The following GCFC2 variants were observed in gnomAD, a reference collection of about 807,000 sequenced individuals.
The protein encoded by GCFC2 is GC-rich sequence DNA-binding factor 2, also known as intron Large complex component GCFC2.
GCFC2 carries 102 observed loss-of-function variants against 99.4 expected under a neutral mutation model. The observed-to-expected ratio is 1.03, with a 90% CI of 0.87 to 1.21. GCFC2 has a LOEUF of 1.21. Among genes scored for constraint, GCFC2 ranks in the 50% most tolerant of loss-of-function variants. The pLI, the probability that GCFC2 is intolerant of heterozygous loss-of-function variation, is 0.00. For missense variants in GCFC2, 973 were observed against 920.9 expected, an observed-to-expected ratio of 1.06 and a Z score of -0.73; for synonymous variants, 338 against 316.8, an observed-to-expected ratio of 1.07 and a Z score of -0.71.
Position 75,687,991 on chromosome 2 carries a change from T to C in GCFC2, c.1540-14A>G, listed in dbSNP as rs1679896426. ...TGTGGATTCCAACTTACAAAGAAAA[T>C]TACAAAAGTTATAAAGAAATCTTTC... is the stretch of plus-strand genomic sequence containing the variant. On this transcript the variant is annotated splice_polypyrimidine_tract_variant and intron_variant, in intron 10 of 16. Coordinates refer to ENST00000321027, the MANE Select transcript of GCFC2 (RefSeq NM_003203.5). 2.7e-6 allele frequency: 4 copies of C among 1,494,928 alleles called. No homozygotes were observed. The East Asian group carries it at 6.8e-5, about 26-fold the overall frequency. 92.6% of individuals were successfully genotyped at this position (1,494,928 alleles called of 1,614,324 possible).
intron 11 of GCFC2, among the ~76,000 whole-genome samples, chr2:75,683,267 ACAAGAGACTGGGGGC>A (rs1358708857): frequency 6.6e-6 from 1 of 151,936 alleles, no homozygotes; most frequent in Admixed American, 6.5e-5. Context: ...CCTACAAGCT[ACAAGAGACTGGGGGC>A]CAATATTCAA....
At chr2:75,701,023 C>T (rs112015005) in intron 4 of GCFC2, among the ~76,000 whole-genome samples, 167 bp downstream of exon 4, 1 of 152,190 alleles carries the variant, frequency 6.6e-6, no homozygotes, top group African/African-American at 2.4e-5. Context: ...CTCCCCACAA[C>T]CCCCCAGGGC....
At chr2:75,688,230 AGT>A (rs1573066456) in intron 10 of GCFC2, among the ~76,000 whole-genome samples, 1 of 152,204 alleles carries the variant, frequency 6.6e-6, no homozygotes, top group Non-Finnish European at 1.5e-5. Flanking sequence ...ACAACTACCT[AGT>A]GTGTGCCGGA....
In GCFC2 at chr2:75,691,958, G is replaced by T. The variant is rs755855617; in HGVS notation, c.1144+19C>A. 5 of 1,362,970 alleles carry T rather than the reference G, an allele frequency of 3.7e-6. No individual in the cohort carries two copies. The highest frequency in any genetic ancestry group is 2.7e-5 in the East Asian group (1 of 37,562). 84.4% of individuals were successfully genotyped at this position (1,362,970 alleles called of 1,614,324 possible). Reference sequence around the variant, plus strand: ...AGCTTAATGAATAATAAATTGTATGGAACACGAAAAACACTAACGTGATAA... The same window carrying T: ...AGCTTAATGAATAATAAATTGTATGTAACACGAAAAACACTAACGTGATAA... On this transcript the variant is annotated intron_variant, in intron 7 of 16. Coordinates refer to ENST00000321027, the MANE Select transcript of GCFC2 (RefSeq NM_003203.5).
intron 10 of GCFC2, 141 bp downstream of exon 10, chr2:75,688,885 C>T: frequency 1.8e-6 from 1 of 563,980 alleles, no homozygotes; most frequent in Non-Finnish European, 3.2e-6. Flanking sequence ...GCCGAAAGCA[C>T]ACATTTTCTG....
intron 7 of GCFC2, 68 bp downstream of exon 7, chr2:75,691,909 A>ATATTTT: frequency 4.8e-6 from 4 of 837,216 alleles, no homozygotes; most frequent in Non-Finnish European, 6.6e-6. Context: ...AAAAATAAAA[A>ATATTTT]TATTTTTATT....
At chr2:75,691,848 G>T in intron 7 of GCFC2, 129 bp downstream of exon 7, 1 of 385,160 alleles carries the variant, frequency 2.6e-6, no homozygotes, top group Non-Finnish European at 4.4e-6. Flanking sequence ...TGAGTTTTTG[G>T]AAGTTGGTGG....
At position 75,710,752 on chromosome 2, in the gene GCFC2, A is replaced by T; in HGVS notation, c.104T>A (p.Leu35His). ...TTCCTCCGCAGAACCCGGGACCGGA[A>T]GTTCCCTCGGCGCCCCAGGCTCAGC... ...SPAEPGAPRE[L>H]PVPGSAEEEP... The change falls in exon 1 of 17, where the codon CTT becomes CAT. Residue 35 changes from leucine (L) to histidine (H), a missense_variant. Coordinates refer to ENST00000321027, the MANE Select transcript of GCFC2 (RefSeq NM_003203.5). The T allele has an allele frequency of 6.4e-7, 1 of 1,566,542 alleles. No homozygotes were observed. Among genetic ancestry groups the T allele is most frequent in the Non-Finnish European group, 8.6e-7 (1 of 1,160,416 alleles).
chr2:75,670,092 T>A lies in GCFC2; in HGVS notation c.2103+46A>T, dbSNP rs770288041. 4 of 1,356,896 alleles carry A rather than the reference T, an allele frequency of 2.9e-6. No homozygotes were observed. The African/African-American group carries it at 5.8e-5, about 20-fold the overall frequency. 84.1% of individuals were successfully genotyped at this position (1,356,896 alleles called of 1,614,324 possible). On this transcript the variant is annotated intron_variant, in intron 15 of 16. Coordinates refer to ENST00000321027, the MANE Select transcript of GCFC2 (RefSeq NM_003203.5). ...AAATAATAGATTTTAATAGCTAAAT[T>A]TTTTAGAAATGATAAAATTAGAATC...
upstream of GCFC2, chr2:75,711,041 C>A (rs1330686622): frequency 1.5e-6 from 2 of 1,334,654 alleles, no homozygotes; most frequent in Admixed American, 4.1e-5. Flanking sequence ...TCTGGTAGGC[C>A]GAGTTCTGTT....
chr2:75,692,938 A>G (rs1045961607), intron 6 of GCFC2, among the ~76,000 whole-genome samples: 2 of 152,096 alleles, frequency 1.3e-5, no homozygotes, highest in African/African-American at 4.8e-5. Context: ...AATTCCTCCT[A>G]CTCCATTGAT....
chr2:75,673,527 T>C lies in GCFC2; in HGVS notation c.1813-7A>G, dbSNP rs373011966. ...CAATGGATTTAAGTAAATCCTATTA[T>C]TACAAATTTGAAAAGCATCAGTGAT... On this transcript the variant is annotated splice_region_variant and splice_polypyrimidine_tract_variant and intron_variant, in intron 12 of 16. Transcript: ENST00000321027. 8.6e-6 allele frequency: 10 copies of C among 1,160,724 alleles called. No individual in the cohort carries two copies. The African/African-American group carries it at 1.2e-4, about 14-fold the overall frequency. 71.9% of individuals were successfully genotyped at this position (1,160,724 alleles called of 1,614,324 possible).
intron 15 of GCFC2, chr2:75,669,896 T>C (rs572715151): frequency 5.4e-5 from 13 of 240,266 alleles, no homozygotes; most frequent in Non-Finnish European, 7.4e-5. Flanking sequence ...GGCTAATTTT[T>C]GTATCTTTAG....
chr2:75,707,560 A>G (rs1456085245), intron 1 of GCFC2, among the ~76,000 whole-genome samples: 1 of 125,602 alleles, frequency 8.0e-6, no homozygotes, highest in African/African-American at 2.9e-5. Context: ...AATTTAAAAC[A>G]CTAAAAAAAA....
In GCFC2 at chr2:75,710,610, G is replaced by A; in HGVS notation, c.246C>T (p.Pro82=). 1 of 1,514,530 alleles carries A rather than the reference G, an allele frequency of 6.6e-7. No homozygotes were observed. Among genetic ancestry groups the A allele is most frequent in the Non-Finnish European group, 8.8e-7 (1 of 1,138,304 alleles). 93.8% of individuals were successfully genotyped at this position (1,514,530 alleles called of 1,614,324 possible). A position where few individuals can be genotyped will look rare whatever the true frequency, so the allele number is the denominator to read the frequency against. The change falls in exon 1 of 17, where the codon CCC becomes CCT. Residue 82 remains proline, a synonymous_variant. Coordinates refer to ENST00000321027, the MANE Select transcript of GCFC2 (RefSeq NM_003203.5). ...ASSRRATKAA[P]RADEGSESRT... is the part of the protein sequence containing the mutation. The stretch of plus-strand genomic sequence containing the variant: ...GGACACCTGAGCCTTCGTCCGCGCG[G>A]GGAGCCGCTTTGGTGGCACGCCGGG...
rs747997620 is a variant in GCFC2 at position 75,701,197 on chromosome 2, A to T, written c.710T>A (p.Ile237Asn). Residue 237 changes from isoleucine to asparagine, a missense_variant, in exon 4 of 17, where the codon ATC (isoleucine) becomes AAC (asparagine). Ile to Asn is a moderately radical substitution (Grantham distance 149). Transcript: ENST00000321027. ...GGGATAAAAAATGATTACCTCTATGATTTTAACTGCTTTCCTCATTTGCTG... is the reference window on the plus strand; with the variant it reads ...GGGATAAAAAATGATTACCTCTATGTTTTTAACTGCTTTCCTCATTTGCTG... ...EQQQMRKAVK[I>N]IEERDIDLSC... 28 of 1,549,540 alleles carry T rather than the reference A, an allele frequency of 1.8e-5. 1 individual carries two copies. In the Middle Eastern group the frequency reaches 2.9e-3, roughly 158 times the overall value.
chr2:75,669,015 T>C (rs1678971222), intron 15 of GCFC2, among the ~76,000 whole-genome samples: 1 of 152,210 alleles, frequency 6.6e-6, no homozygotes, highest in African/African-American at 2.4e-5. Flanking sequence ...CAAAAAATGT[T>C]TGCCAACACA....
chr2:75,706,525 G>C lies in GCFC2; in HGVS notation c.392C>G (p.Thr131Arg). Residue 131 changes from threonine (T) to arginine (R), a missense_variant and splice_region_variant, in exon 2 of 17, where the codon ACA becomes AGA. By Grantham distance (71) the Thr-to-Arg change is moderately conservative. Coordinates refer to ENST00000321027, the MANE Select transcript of GCFC2 (RefSeq NM_003203.5). ...CCAAAATCATACAAATTACTAACCT[G>C]TTGATGAAAGTTCTTTTTCTCCAAG... ...SSLGEKELSS[T>R]VKIPDAAFIQ... 1 of 1,580,556 alleles carries C rather than the reference G, an allele frequency of 6.3e-7. No homozygotes were observed. Among genetic ancestry groups the C allele is most frequent in the East Asian group, 2.2e-5 (1 of 44,590 alleles).
intron 7 of GCFC2, among the ~76,000 whole-genome samples, chr2:75,691,461 G>C (rs1339634029): frequency 6.6e-6 from 1 of 152,020 alleles, no homozygotes; most frequent in Non-Finnish European, 1.5e-5. Context: ...GTGTTTCACT[G>C]AAAGTCACTT....
Sources: allele counts gnomAD v4.1 joint callset (sites outside exome capture counted in the v4.1 genomes callset), GRCh38; gene constraint gnomAD v4.1.1; transcripts MANE v1.5; gene names NCBI Gene and HGNC (gene_info 2026-07-23, HGNC 2026-07-21).